IL12B: variants seen among roughly 807,000 people sequenced by gnomAD.
IL12B encodes interleukin-12 subunit beta.
Under a neutral mutation model 39.2 loss-of-function variants are expected in IL12B, and 27 were observed. The ratio of observed to expected loss-of-function variants is 0.69; its 90% confidence interval spans 0.51 to 0.95. IL12B has a LOEUF of 0.95. IL12B is among the 40% of genes least tolerant of loss of function. IL12B has a pLI of 0.00. For synonymous variants in IL12B, 142 were observed against 152.1 expected, an observed-to-expected ratio of 0.93 and a Z score of 0.49; for missense variants, 351 against 397.6, an observed-to-expected ratio of 0.88 and a Z score of 1.00.
At chr5:159,322,916 A>G (rs1584754860) in intron 3 of IL12B, 138 bp downstream of exon 3, 2 of 856,092 alleles carry the variant, frequency 2.3e-6, no homozygotes, top group East Asian at 4.9e-5. Context: ...GGAGGTTAAC[A>G]TCAATTAACA....
chr5:159,323,382 A>C, intron 2 of IL12B, 53 bp from the exon 3 acceptor site: 1 of 1,575,990 alleles, frequency 6.3e-7, no homozygotes, highest in Non-Finnish European at 8.7e-7. Flanking sequence ...GAACTCTGGG[A>C]CTGTGTTTTA....
intron 4 of IL12B, among the ~76,000 whole-genome samples, chr5:159,321,386 CAT>C (rs1165704216): frequency 4.8e-5 from 7 of 145,178 alleles, no homozygotes; most frequent in African/African-American, 1.4e-4. Context: ...CACACACACA[CAT>C]ATGTATACAC....
rs55661460 is a variant in IL12B, at chr5:159,320,326, C to T, written c.677G>A (p.Ser226Asn). The change falls in exon 5 of 8, where the codon AGC becomes AAC. Residue 226 changes from serine (S) to asparagine (N), a missense_variant. Coordinates refer to ENST00000231228, the MANE Select transcript of IL12B (RefSeq NM_002187.3). ...CTCACTGATGTCCCTGATGAAGAAG[C>T]TGCTGGTGTAGTTTTCATACTTGAG... ...HKLKYENYTS[S>N]FFIRDIIKPD... 1,702 of 1,614,082 alleles carry T rather than the reference C, an allele frequency of 1.1e-3. 26 individuals carry two copies. The East Asian group carries it at 0.028, about 27-fold the overall frequency.
intron 2 of IL12B, among the ~76,000 whole-genome samples, chr5:159,324,232 C>T (rs3213091): frequency 0.017 from 2,646 of 152,252 alleles, 91 homozygotes; most frequent in African/African-American, 0.061. Flanking sequence ...GTCAGAAGTA[C>T]AAGGGCTACA....
intron 1 of IL12B, among the ~76,000 whole-genome samples, chr5:159,327,768 A>G (rs1241124236): frequency 6.6e-6 from 1 of 152,212 alleles, no homozygotes; most frequent in East Asian, 1.9e-4. Context: ...AAAGACCACA[A>G]CATATTGATA....
rs569755125 is a variant in IL12B, at chr5:159,321,956, C to T, written c.482+438G>A. 3.9e-5 allele frequency among the ~76,000 whole-genome samples: 6 copies of T among 152,246 alleles called. No individual in the cohort carries two copies. The South Asian group carries it at 1.0e-3, about 26-fold the overall frequency. ...AGTTGAGGTGGCCCTGGGAAAATTT[C>T]GGGAGGCCTCATCGAGTTTTGGAGT... On this transcript the variant is annotated intron_variant, in intron 4 of 7. Transcript: ENST00000231228.
Position 159,321,962 on chromosome 5 carries a change from G to A in IL12B, c.482+432C>T, listed in dbSNP as rs1283349428. 3.3e-5 allele frequency among the ~76,000 whole-genome samples: 5 copies of A among 152,220 alleles called. No individual in the cohort carries two copies. In the East Asian group the frequency reaches 9.7e-4, roughly 29 times the overall value. ...GGTGGCCCTGGGAAAATTTCGGGAG[G>A]CCTCATCGAGTTTTGGAGTCTGCTT... On this transcript the variant is annotated intron_variant, in intron 4 of 7. Coordinates refer to ENST00000231228, the MANE Select transcript of IL12B (RefSeq NM_002187.3).
intron 3 of IL12B, among the ~76,000 whole-genome samples, 185 bp from the exon 4 acceptor site, chr5:159,322,696 C>A (rs1387711113): frequency 6.6e-6 from 1 of 152,170 alleles, no homozygotes; most frequent in African/African-American, 2.4e-5. Context: ...CACTACACAC[C>A]TAACATGCCT....
intron 6 of IL12B, among the ~76,000 whole-genome samples, chr5:159,318,369 A>G (rs988132094): frequency 1.3e-5 from 2 of 152,232 alleles, no homozygotes; most frequent in Admixed American, 6.5e-5. Context: ...ATATATGACC[A>G]GTGGTCCTAT....
chr5:159,322,327 G>T, intron 4 of IL12B, 67 bp downstream of exon 4: 1 of 1,007,798 alleles, frequency 9.9e-7, no homozygotes, highest in Non-Finnish European at 1.6e-6. Flanking sequence ...TCACTGAGAG[G>T]TTGCCCTTAA....
intron 5 of IL12B, 76 bp from the exon 6 acceptor site, chr5:159,318,969 T>G: frequency 8.0e-7 from 1 of 1,246,920 alleles, no homozygotes; most frequent in Non-Finnish European, 1.2e-6. Context: ...ATGATCTCAC[T>G]TGCACCTTTG....
chr5:159,328,265 C>G (rs532758847), intron 1 of IL12B, among the ~76,000 whole-genome samples: 18 of 152,282 alleles, frequency 1.2e-4, no homozygotes, highest in African/African-American at 4.3e-4. Flanking sequence ...TCACTTCAGT[C>G]TAGGTTATGA....
chr5:159,316,589 A>C, intron 7 of IL12B, 96 bp downstream of exon 7: 1 of 1,357,412 alleles, frequency 7.4e-7, no homozygotes, highest in East Asian at 2.5e-5. Context: ...TGGCCACTCC[A>C]TCCCCCTTTC....
intron 1 of IL12B, among the ~76,000 whole-genome samples, chr5:159,327,883 A>G (rs1754218792): frequency 6.6e-6 from 1 of 152,182 alleles, no homozygotes; most frequent in South Asian, 2.1e-4. Flanking sequence ...AAATCTTCCG[A>G]TTGCAAAAAT....
Position 159,323,302 on chromosome 5 carries a change from G to A in IL12B, c.116C>T (p.Pro39Leu), listed in dbSNP as rs757751382. ...DVYVVELDWY[P>L]DAPGEMVVLT... is the part of the protein sequence containing the mutation. Reference sequence around the variant, plus strand: ...GACCACCATTTCTCCAGGGGCATCCGGATACCAATCCAATTCTACGACATA... The same window carrying A: ...GACCACCATTTCTCCAGGGGCATCCAGATACCAATCCAATTCTACGACATA... The change falls in exon 3 of 8, where the codon CCG (proline) becomes CTG (leucine). Residue 39 changes from proline to leucine, a missense_variant. Physicochemically the swap from Pro to Leu is moderately conservative, Grantham distance 98. Transcript: ENST00000231228. The A allele has an allele frequency of 2.7e-5, 44 of 1,613,902 alleles. 1 individual carries two copies. In the Middle Eastern group the frequency reaches 4.9e-4, roughly 18 times the overall value.
intron 2 of IL12B, among the ~76,000 whole-genome samples, chr5:159,324,169 C>A (rs1252331390): frequency 6.6e-5 from 10 of 151,932 alleles, no homozygotes; most frequent in Admixed American, 6.6e-4. Context: ...CTTAGTCTTC[C>A]CATTTAATGA....
chr5:159,327,403 G>GT (rs1424550363), intron 1 of IL12B, among the ~76,000 whole-genome samples: 1 of 152,218 alleles, frequency 6.6e-6, no homozygotes, highest in African/African-American at 2.4e-5. Flanking sequence ...GACAGGAACG[G>GT]TAATACAGAG....
chr5:159,315,679 G>A lies in IL12B; in HGVS notation c.*422C>T, dbSNP rs956574649. On this transcript the variant is annotated 3_prime_UTR_variant, in exon 8 of 8. Coordinates refer to ENST00000231228, the MANE Select transcript of IL12B (RefSeq NM_002187.3). ...TCTTCCTGATTGTCATAAAACTGATGTACTTGCAGCCTTGCTTGAAAAGTT... is the reference window on the plus strand; with the variant it reads ...TCTTCCTGATTGTCATAAAACTGATATACTTGCAGCCTTGCTTGAAAAGTT... The A allele has an allele frequency of 4.6e-5, 7 of 152,706 alleles. No homozygotes were observed. The highest frequency in any genetic ancestry group is 1.2e-4 in the African/African-American group (5 of 41,416). The allele number at this position is 152,706 out of a possible 1,614,324, so 9.5% of individuals were successfully genotyped here.
intron 2 of IL12B, 72 bp downstream of exon 2, chr5:159,326,623 C>T (rs1562114903): frequency 9.1e-7 from 1 of 1,095,170 alleles, no homozygotes; most frequent in Admixed American, 1.7e-5. Context: ...AGTTTGATTT[C>T]CCACCAGTGG....
Sources: allele counts gnomAD v4.1 joint callset (sites outside exome capture counted in the v4.1 genomes callset), GRCh38; gene constraint gnomAD v4.1.1; transcripts MANE v1.5; gene names NCBI Gene and HGNC (gene_info 2026-07-23, HGNC 2026-07-21).